TEAD1: variants seen among roughly 807,000 people sequenced by gnomAD.
TEAD1 encodes the protein TEA domain transcription factor 1.
In TEAD1, 9 loss-of-function variants were observed where a neutral mutation model predicts 54.9. The observed-to-expected ratio is 0.16, with a 90% CI of 0.10 to 0.29. The LOEUF (loss-of-function observed/expected upper bound fraction) is 0.29. Among genes scored for constraint, TEAD1 ranks in the 10% least tolerant of loss-of-function variants. The pLI, the probability that TEAD1 is intolerant of heterozygous loss-of-function variation, is 1.00. For synonymous variants in TEAD1, 200 were observed against 187.8 expected (o/e 1.07, Z -0.53); for missense variants, 387 against 535.9 (o/e 0.72, Z 2.74).
intron 5 of TEAD1, among the ~76,000 whole-genome samples, chr11:12,869,079 T>C (rs1947685082): frequency 6.6e-6 from 1 of 151,972 alleles, no homozygotes; most frequent in South Asian, 2.1e-4. Flanking sequence ...GGACATGCGG[T>C]GGGAGGTAAG....
chr11:12,917,072 G>A (rs1164552735), intron 10 of TEAD1, among the ~76,000 whole-genome samples: 1 of 152,144 alleles, frequency 6.6e-6, no homozygotes, highest in African/African-American at 2.4e-5. Context: ...TACATTACAT[G>A]GCAAAGGGGA....
intron 3 of TEAD1, among the ~76,000 whole-genome samples, chr11:12,779,815 G>A (rs1945507665): frequency 6.6e-6 from 1 of 152,074 alleles, no homozygotes; most frequent in Admixed American, 6.5e-5. Context: ...TCAATAGAGT[G>A]AAGAAAAAAC....
At chr11:12,793,096 A>G (rs980675631) in intron 3 of TEAD1, among the ~76,000 whole-genome samples, 3 of 151,954 alleles carry the variant, frequency 2.0e-5, no homozygotes, top group African/African-American at 7.3e-5. Context: ...AGATTTTTGC[A>G]TATCATTGAA....
intron 9 of TEAD1, among the ~76,000 whole-genome samples, chr11:12,899,962 A>G (rs752499524): frequency 5.3e-5 from 8 of 152,240 alleles, no homozygotes; most frequent in Non-Finnish European, 1.2e-4. Context: ...GTAGCAGGTT[A>G]TAGATTTAAA....
intron 3 of TEAD1, 124 bp downstream of exon 3, chr11:12,764,558 T>C: frequency 8.4e-7 from 1 of 1,183,906 alleles, no homozygotes; most frequent in Non-Finnish European, 1.2e-6. Context: ...TGTAGAATTT[T>C]AGTGGGTCAT....
At chr11:12,772,919 A>G (rs1456037892) in intron 3 of TEAD1, among the ~76,000 whole-genome samples, 6 of 152,144 alleles carry the variant, frequency 3.9e-5, no homozygotes, top group African/African-American at 9.7e-5. Flanking sequence ...AACAGCTCCA[A>G]CACCACAGGA....
intron 2 of TEAD1, among the ~76,000 whole-genome samples, chr11:12,692,168 C>G (rs1414531503): frequency 2.0e-5 from 3 of 152,126 alleles, no homozygotes; most frequent in Non-Finnish European, 4.4e-5. Context: ...GTCTTTGCTT[C>G]TTGGAAATTG....
intron 2 of TEAD1, among the ~76,000 whole-genome samples, chr11:12,687,570 T>C (rs1243234940): frequency 2.0e-5 from 3 of 152,192 alleles, no homozygotes; most frequent in African/African-American, 7.2e-5. Flanking sequence ...CTATCCGGTT[T>C]TCTTGTGGCA....
chr11:12,827,271 A>G (rs1173853821), intron 3 of TEAD1, among the ~76,000 whole-genome samples: 2 of 152,200 alleles, frequency 1.3e-5, no homozygotes, highest in African/African-American at 2.4e-5. Flanking sequence ...GTACCTTTTA[A>G]TTCTCTGCAT....
chr11:12,750,479 A>G (rs1944848081), intron 2 of TEAD1, among the ~76,000 whole-genome samples: 1 of 152,192 alleles, frequency 6.6e-6, no homozygotes, highest in Non-Finnish European at 1.5e-5. Context: ...TACTGAAAAT[A>G]CTTTTGATTT....
chr11:12,699,679 C>G (rs1943655198), intron 2 of TEAD1, among the ~76,000 whole-genome samples: 1 of 152,144 alleles, frequency 6.6e-6, no homozygotes, highest in African/African-American at 2.4e-5. Flanking sequence ...TTCCATGTCT[C>G]TTTATTTACC....
At chr11:12,862,462 C>A in intron 4 of TEAD1, 148 bp downstream of exon 4, 1 of 721,434 alleles carries the variant, frequency 1.4e-6, no homozygotes, top group Non-Finnish European at 2.5e-6. Flanking sequence ...TTTAAATTGG[C>A]TCAGTTTTCA....
rs5789737 is a variant in TEAD1 at position 12,722,649 on chromosome 11, CTTTT to C, written c.-54-41518_-54-41515del. On this transcript the variant is annotated intron_variant, in intron 2 of 12. Coordinates refer to ENST00000527636, the MANE Select transcript of TEAD1 (RefSeq NM_021961.6). ...TATACCCTGTGATTTCTCTCTCTTT[CTTTT>C]TTTTTTTTTTTCACAAAAATACACT... Among the ~76,000 whole-genome samples the C allele has an allele frequency of 4.6e-3, 648 of 140,162 alleles. 8 individuals are homozygous for C. The highest frequency in any genetic ancestry group is 0.016 in the African/African-American group (620 of 39,384). 92.0% of individuals were successfully genotyped at this position (140,162 alleles called of 152,430 possible).
intron 3 of TEAD1, among the ~76,000 whole-genome samples, chr11:12,779,676 ACTC>A (rs1945504936): frequency 6.6e-6 from 1 of 152,192 alleles, no homozygotes; most frequent in African/African-American, 2.4e-5. Context: ...TAGATATAAA[ACTC>A]CTCCACAAAA....
At chr11:12,709,956 A>G (rs758707732) in intron 2 of TEAD1, among the ~76,000 whole-genome samples, 5 of 152,082 alleles carry the variant, frequency 3.3e-5, no homozygotes, top group Non-Finnish European at 5.9e-5. Flanking sequence ...AAAGTCCTAC[A>G]ACATCTTTTT....
At chr11:12,676,245 C>A (rs957009164) in intron 2 of TEAD1, among the ~76,000 whole-genome samples, 1 of 152,254 alleles carries the variant, frequency 6.6e-6, no homozygotes, top group African/African-American at 2.4e-5. Context: ...TCCCCGCTTT[C>A]CACCTTGGTT....
chr11:12,819,388 A>G (rs999073027), intron 3 of TEAD1, among the ~76,000 whole-genome samples: 1 of 152,088 alleles, frequency 6.6e-6, no homozygotes, highest in African/African-American at 2.4e-5. Flanking sequence ...CTTCATTTAA[A>G]CAGTCCATTT....
At chr11:12,682,211 A>T (rs1311638447) in intron 2 of TEAD1, among the ~76,000 whole-genome samples, 1 of 152,224 alleles carries the variant, frequency 6.6e-6, no homozygotes, top group East Asian at 1.9e-4. Flanking sequence ...GTACCTAGGA[A>T]CATAGGCTGA....
intron 9 of TEAD1, among the ~76,000 whole-genome samples, chr11:12,889,161 G>T (rs1489468719): frequency 6.6e-6 from 1 of 152,234 alleles, no homozygotes; most frequent in Non-Finnish European, 1.5e-5. Context: ...CATGATTTCA[G>T]TGTTGCATAT....
Sources: allele counts gnomAD v4.1 joint callset (sites outside exome capture counted in the v4.1 genomes callset), GRCh38; gene constraint gnomAD v4.1.1; transcripts MANE v1.5; gene names NCBI Gene and HGNC (gene_info 2026-07-23, HGNC 2026-07-21).